Variants in GRM5 observed in about 807,000 individuals in gnomAD.
The protein encoded by GRM5 is metabotropic glutamate receptor 5.
A neutral mutation model predicts 83.1 loss-of-function variants in GRM5; 19 were observed. The ratio of observed to expected loss-of-function variants is 0.23; its 90% confidence interval spans 0.16 to 0.34. The LOEUF is 0.34. Among genes scored for constraint, GRM5 ranks in the 10% least tolerant of loss-of-function variants. The pLI is 1.00. For synonymous variants in GRM5, 675 were observed against 633.6 expected (o/e 1.07, Z -0.98); for missense variants, 1,160 against 1,588.3 (o/e 0.73, Z 4.58).
Position 88,624,515 on chromosome 11 carries a change from A to G in GRM5, c.1148-19551T>C, listed in dbSNP as rs1473863974. Among the ~76,000 whole-genome samples the G allele has an allele frequency of 2.0e-5, 3 of 152,166 alleles. No individual in the cohort carries two copies. In the East Asian group the frequency reaches 5.8e-4, roughly 29 times the overall value. ...GAACAATGACAAGAGGGAAACTGAAACAAGAAACTAAAAATTTCAGGCTGG... is the reference window on the plus strand; with the variant it reads ...GAACAATGACAAGAGGGAAACTGAAGCAAGAAACTAAAAATTTCAGGCTGG... On this transcript the variant is annotated intron_variant, in intron 4 of 9. Coordinates refer to ENST00000305447, the MANE Select transcript of GRM5 (RefSeq NM_001143831.3).
intron 3 of GRM5, among the ~76,000 whole-genome samples, chr11:88,683,207 G>C (rs1371159942): frequency 3.3e-5 from 5 of 152,166 alleles, no homozygotes; most frequent in Admixed American, 1.3e-4. Context: ...CCACAAGGCA[G>C]TGCATTAATT....
rs201437523 is a variant in GRM5 at position 88,567,583 on chromosome 11, G to A, written c.2100C>T (p.Leu700=). 1.9e-6 allele frequency: 3 copies of A among 1,614,060 alleles called. No individual in the cohort carries two copies. The African/African-American group carries it at 4.0e-5, about 22-fold the overall frequency. ...ACAQLVIAFI[L]ICIQLGIIVA... ...CGATGATGCCCAACTGGATGCATATGAGAATGAAAGCAATCACTAGCTGGG... is the reference window on the plus strand; with the variant it reads ...CGATGATGCCCAACTGGATGCATATAAGAATGAAAGCAATCACTAGCTGGG... Residue 700 remains leucine (L), a synonymous_variant, in exon 8 of 10, where the codon CTC becomes CTT. Transcript: ENST00000305447. This position sits in a 1 kb window ranked among gnomAD's most constrained non-coding sequence, Gnocchi z 7.3.
At chr11:88,769,072 A>G (rs984845174) in intron 3 of GRM5, among the ~76,000 whole-genome samples, 1 of 152,086 alleles carries the variant, frequency 6.6e-6, no homozygotes, top group African/African-American at 2.4e-5. Flanking sequence ...ACTGCGCTCT[A>G]GTCAATAAAT....
At chr11:88,814,757 C>A (rs1049826631) in intron 3 of GRM5, among the ~76,000 whole-genome samples, 2 of 151,896 alleles carry the variant, frequency 1.3e-5, no homozygotes, top group Admixed American at 1.3e-4. Flanking sequence ...TTTAAACAAG[C>A]TATCAGGCAT....
chr11:89,041,909 C>T (rs780089705), intron 2 of GRM5, among the ~76,000 whole-genome samples: 10 of 152,102 alleles, frequency 6.6e-5, no homozygotes, highest in Non-Finnish European at 1.3e-4. Flanking sequence ...CTGGGGATCT[C>T]ATGTTTTCAG....
At chr11:88,803,180 A>C (rs1305148747) in intron 3 of GRM5, among the ~76,000 whole-genome samples, 1 of 151,066 alleles carries the variant, frequency 6.6e-6, no homozygotes, top group African/African-American at 2.4e-5. Context: ...AATTGGAAAA[A>C]ACTACTTTAA....
At chr11:88,942,630 G>A (rs756503536) in intron 2 of GRM5, among the ~76,000 whole-genome samples, 8 of 151,666 alleles carry the variant, frequency 5.3e-5, no homozygotes, top group Non-Finnish European at 1.2e-4. Context: ...TGGTTCTATT[G>A]CCCTATGGGA....
intron 1 of GRM5, among the ~76,000 whole-genome samples, chr11:89,050,895 G>A (rs1278222629): frequency 6.6e-6 from 1 of 152,120 alleles, no homozygotes; most frequent in Non-Finnish European, 1.5e-5. Context: ...GTAAATCAGA[G>A]GTGAATGATG....
rs115315998 is a variant in GRM5 at position 88,579,629 on chromosome 11, C to G, written c.1690+10972G>C. Among the ~76,000 whole-genome samples, 1,120 of 152,198 alleles carry G rather than the reference C, an allele frequency of 7.4e-3. 11 individuals carry two copies. The highest frequency in any genetic ancestry group is 0.026 in the African/African-American group (1,082 of 41,526). ...TAGGGAAATTACCCTGGGATAAGAGCCTTTCTGACCTTTTAATGGAAGAAC... is the reference window on the plus strand; with the variant it reads ...TAGGGAAATTACCCTGGGATAAGAGGCTTTCTGACCTTTTAATGGAAGAAC... On this transcript the variant is annotated intron_variant, in intron 7 of 9. Coordinates refer to ENST00000305447, the MANE Select transcript of GRM5 (RefSeq NM_001143831.3).
At chr11:89,018,727 A>T (rs1384813029) in intron 2 of GRM5, among the ~76,000 whole-genome samples, 1 of 152,192 alleles carries the variant, frequency 6.6e-6, no homozygotes, top group East Asian at 1.9e-4. Flanking sequence ...TTATAGGATT[A>T]CATAAAAGGT....
At chr11:88,824,356 T>C (rs995894467) in intron 3 of GRM5, among the ~76,000 whole-genome samples, 1 of 152,090 alleles carries the variant, frequency 6.6e-6, no homozygotes. Context: ...CATGGAAAGA[T>C]TCTTTTATTC....
chr11:88,941,471 AGAGGGGAGGGGAGAGGAGGG>A (rs1364498573), intron 2 of GRM5, among the ~76,000 whole-genome samples: 5 of 73,406 alleles, frequency 6.8e-5, no homozygotes, highest in Admixed American at 5.0e-4. Flanking sequence ...AGAGAAGAGA[AGAGGGGAGGGGAGAGGAGGG>A]GAGAGGAGGG....
intron 4 of GRM5, among the ~76,000 whole-genome samples, chr11:88,612,467 C>A (rs1764791846): frequency 1.3e-5 from 2 of 152,150 alleles, no homozygotes; most frequent in South Asian, 4.2e-4. Flanking sequence ...ATTTATAGCC[C>A]TTTGGGTATA....
At chr11:88,888,461 T>A (rs1945083533) in intron 2 of GRM5, among the ~76,000 whole-genome samples, 1 of 152,104 alleles carries the variant, frequency 6.6e-6, no homozygotes, top group Non-Finnish European at 1.5e-5. Context: ...AGCCCCAGAC[T>A]CTTCTATGGT....
intron 3 of GRM5, among the ~76,000 whole-genome samples, chr11:88,770,948 G>A (rs1942724249): frequency 6.6e-6 from 1 of 152,082 alleles, no homozygotes; most frequent in Non-Finnish European, 1.5e-5. Flanking sequence ...CAGTAGCCAA[G>A]AAATTTAAAT....
chr11:88,509,156 C>T lies in GRM5; in HGVS notation c.3075G>A (p.Leu1025=). The T allele has an allele frequency of 6.5e-7, 1 of 1,539,238 alleles. No individual in the cohort carries two copies. The highest frequency in any genetic ancestry group is 8.7e-7 in the Non-Finnish European group (1 of 1,144,130). ...GGCTGGCCGAGCCCGCGCGGTGGCT[C>T]AGCGTGCTGATGGGCGACGGTGAGC... ...RPRSPSPIST[L]SHRAGSASRT... is the part of the protein sequence containing the mutation. The change falls in exon 10 of 10, where the codon CTG becomes CTA. Residue 1025 remains leucine, a synonymous_variant. Coordinates refer to ENST00000305447, the MANE Select transcript of GRM5 (RefSeq NM_001143831.3).
intron 7 of GRM5, among the ~76,000 whole-genome samples, chr11:88,582,268 A>G (rs1943226764): frequency 1.3e-5 from 2 of 152,222 alleles, no homozygotes; most frequent in South Asian, 2.1e-4. Context: ...TGGAACTCAA[A>G]TATGTGCTAA....
intron 1 of GRM5, among the ~76,000 whole-genome samples, chr11:89,060,040 C>T (rs1467810687): frequency 6.6e-6 from 1 of 152,042 alleles, no homozygotes; most frequent in Non-Finnish European, 1.5e-5. Context: ...GATTCAAACC[C>T]AGGCAATTTG....
chr11:88,529,844 C>T (rs1306798471), intron 8 of GRM5, among the ~76,000 whole-genome samples: 1 of 151,832 alleles, frequency 6.6e-6, no homozygotes, highest in South Asian at 2.1e-4. Flanking sequence ...TAGAATGATA[C>T]CCCAGTTACT....
Sources: gnomAD v4.1 joint callset for allele counts (sites outside exome capture counted in the v4.1 genomes callset) on GRCh38, gnomAD v4.1.1 for gene constraint, Gnocchi (gnomAD v3.1) non-coding constraint, MANE v1.5 for transcripts, NCBI Gene and HGNC (gene_info 2026-07-23, HGNC 2026-07-21) for gene names.